The following CALN1 variants were observed in gnomAD, a reference collection of about 807,000 sequenced individuals.
CALN1 encodes the protein calneuron 1.
In CALN1, 17 loss-of-function variants were observed where a neutral mutation model predicts 30.6. The observed-to-expected ratio is 0.56, with a 90% CI of 0.38 to 0.83. CALN1 has a LOEUF of 0.83. Ranked by LOEUF, CALN1 falls within the 40% of genes least tolerant of loss-of-function variation. The pLI is 0.00. For missense variants in CALN1, 291 were observed against 354.9 expected (o/e 0.82, Z 1.45); for synonymous variants, 156 against 131.4 (o/e 1.19, Z -1.28).
At position 72,116,790 on chromosome 7, in the gene CALN1, G is replaced by A. The variant is rs536644803; in HGVS notation, c.245-10496C>T. 2.1e-4 allele frequency among the ~76,000 whole-genome samples: 32 copies of A among 152,288 alleles called. 1 individual carries two copies. In the South Asian group the frequency reaches 6.4e-3, roughly 31 times the overall value. On this transcript the variant is annotated intron_variant, in intron 3 of 6. Coordinates refer to ENST00000395275, the MANE Select transcript of CALN1 (RefSeq NM_031468.4). The stretch of plus-strand genomic sequence containing the variant: ...CTATTGACCAAAGGAGCCAAACTCT[G>A]TAAAATATTTAAAGAGGTTTATTCT...
chr7:71,833,404 C>G (rs1047368519), intron 5 of CALN1, among the ~76,000 whole-genome samples: 1 of 151,882 alleles, frequency 6.6e-6, no homozygotes, highest in Non-Finnish European at 1.5e-5. Flanking sequence ...GTAAAACAAC[C>G]AATGCATGGA....
At chr7:72,093,940 A>G (rs1350691637) in intron 4 of CALN1, among the ~76,000 whole-genome samples, 1 of 152,132 alleles carries the variant, frequency 6.6e-6, no homozygotes, top group Non-Finnish European at 1.5e-5. Context: ...CTGATTCCCA[A>G]AGTCTCCCTT....
chr7:71,960,179 AAAT>A (rs1797175154), intron 5 of CALN1, among the ~76,000 whole-genome samples: 1 of 116,716 alleles, frequency 8.6e-6, no homozygotes, highest in Non-Finnish European at 1.8e-5. Context: ...ATAAATAAAT[AAAT>A]AAAATAAAAT....
At chr7:72,354,551 A>G (rs1803114400) in intron 2 of CALN1, among the ~76,000 whole-genome samples, 1 of 152,206 alleles carries the variant, frequency 6.6e-6, no homozygotes, top group Non-Finnish European at 1.5e-5. Context: ...AGACTTAACT[A>G]TAAAGCTAAT....
intron 3 of CALN1, among the ~76,000 whole-genome samples, chr7:72,159,050 T>C (rs1357929369): frequency 6.6e-6 from 1 of 151,712 alleles, no homozygotes; most frequent in Non-Finnish European, 1.5e-5. Flanking sequence ...ATGGGGTTTC[T>C]CCATGTTGGC....
intron 4 of CALN1, among the ~76,000 whole-genome samples, chr7:72,032,849 T>C (rs1401263456): frequency 1.3e-5 from 2 of 152,154 alleles, no homozygotes; most frequent in Admixed American, 6.5e-5. Flanking sequence ...AGAATTGGTC[T>C]GATGAACAAA....
intron 5 of CALN1, among the ~76,000 whole-genome samples, chr7:71,974,610 T>C (rs552309940): frequency 4.6e-5 from 7 of 152,108 alleles, no homozygotes; most frequent in African/African-American, 1.7e-4. Flanking sequence ...CAGAAAGCAG[T>C]AGACTATAGT....
intron 3 of CALN1, among the ~76,000 whole-genome samples, chr7:72,148,593 G>A (rs561393411): frequency 1.3e-5 from 2 of 151,788 alleles, no homozygotes; most frequent in East Asian, 3.9e-4. Context: ...GTGACAATGT[G>A]AGGACCTGTC....
At chr7:72,326,724 C>T (rs2129557718) in intron 2 of CALN1, among the ~76,000 whole-genome samples, 2 of 152,222 alleles carry the variant, frequency 1.3e-5, no homozygotes, top group Admixed American at 1.3e-4. Context: ...TCATGAGGTT[C>T]GGAGCATTTT....
intron 2 of CALN1, among the ~76,000 whole-genome samples, chr7:72,387,206 G>T (rs1472264951): frequency 8.4e-6 from 1 of 119,250 alleles, no homozygotes; most frequent in Non-Finnish European, 1.7e-5. Flanking sequence ...GGGAGGGAGG[G>T]AGGGAAGGAA....
At chr7:72,114,970 G>A (rs1584971887) in intron 3 of CALN1, among the ~76,000 whole-genome samples, 1 of 151,082 alleles carries the variant, frequency 6.6e-6, no homozygotes, top group East Asian at 2.0e-4. Flanking sequence ...CTCCAGCCTG[G>A]GCAACAAGAG....
In CALN1 at chr7:72,216,610, C is replaced by T. The variant is rs866782000; in HGVS notation, c.244+62076G>A. ...CTAAGCTCTTGTCACCTTCTGTCCC[C>T]TTCACCTGCCTTCTCACTCCTGAGT... On this transcript the variant is annotated intron_variant, in intron 3 of 6. Transcript: ENST00000395275. 4.7e-4 allele frequency among the ~76,000 whole-genome samples: 71 copies of T among 152,146 alleles called. 1 individual carries two copies. The highest frequency in any genetic ancestry group is 6.8e-3 in the Middle Eastern group (2 of 294).
At chr7:72,400,604 T>G (rs1806275688) in intron 2 of CALN1, among the ~76,000 whole-genome samples, 1 of 152,176 alleles carries the variant, frequency 6.6e-6, no homozygotes, top group African/African-American at 2.4e-5. Flanking sequence ...GCATCATGGT[T>G]CAAGCCTATA....
intron 5 of CALN1, among the ~76,000 whole-genome samples, chr7:71,840,536 C>T (rs1331719886): frequency 2.0e-5 from 3 of 151,110 alleles, no homozygotes; most frequent in African/African-American, 7.3e-5. Flanking sequence ...GAAACAAACC[C>T]CTTCTTAACA....
the CALN1 span, among the ~76,000 whole-genome samples, chr7:72,466,529 T>C: frequency 6.6e-6 from 1 of 152,044 alleles, no homozygotes; most frequent in Non-Finnish European, 1.5e-5. Flanking sequence ...TAATCACCTA[T>C]GGTCAGGAGT....
At chr7:72,499,914 T>TTTC in the CALN1 span, among the ~76,000 whole-genome samples, 2 of 41,086 alleles carry the variant, frequency 4.9e-5, no homozygotes, top group South Asian at 5.5e-4. Flanking sequence ...TCTTTCTTTC[T>TTTC]ATCTTTCTCT....
chr7:72,404,362 AAC>A (rs1228640051), intron 1 of CALN1, among the ~76,000 whole-genome samples: 5 of 152,236 alleles, frequency 3.3e-5, no homozygotes, highest in Non-Finnish European at 5.9e-5. Flanking sequence ...ATATGTATTG[AAC>A]ACACAGTTAA....
chr7:72,045,145 C>T (rs1450474326), intron 4 of CALN1, among the ~76,000 whole-genome samples: 1 of 152,182 alleles, frequency 6.6e-6, no homozygotes, highest in Non-Finnish European at 1.5e-5. Context: ...TCTGGGGAAA[C>T]GTACACTCAC....
intron 4 of CALN1, among the ~76,000 whole-genome samples, chr7:72,026,474 G>A (rs1200178567): frequency 1.3e-5 from 2 of 152,080 alleles, no homozygotes; most frequent in East Asian, 2.0e-4. Context: ...TAATCCCAGC[G>A]ATTCGGGAGG....
Sources: allele counts gnomAD v4.1 joint callset (sites outside exome capture counted in the v4.1 genomes callset), GRCh38; gene constraint gnomAD v4.1.1; transcripts MANE v1.5; gene names NCBI Gene and HGNC (gene_info 2026-07-23, HGNC 2026-07-21).